PCDHGA6: variants seen among roughly 807,000 people sequenced by gnomAD.
The protein encoded by PCDHGA6 is protocadherin gamma-A6.
A neutral mutation model predicts 60.6 loss-of-function variants in PCDHGA6; 41 were observed. The observed-to-expected ratio is 0.68, with a 90% CI of 0.53 to 0.88. The LOEUF (loss-of-function observed/expected upper bound fraction) is 0.88. Ranked by LOEUF, PCDHGA6 falls within the 40% of genes least tolerant of loss-of-function variation. The pLI, the probability that PCDHGA6 is intolerant of heterozygous loss-of-function variation, is 0.00. For missense variants in PCDHGA6, 1,312 were observed against 1,203.0 expected (o/e 1.09, Z -1.34); for synonymous variants, 594 against 524.4 (o/e 1.13, Z -1.81).
chr5:141,419,729 G>T (rs1436631336), intron 1 of PCDHGA6: 1 of 1,613,758 alleles, frequency 6.2e-7, no homozygotes, highest in Admixed American at 1.7e-5. Context: ...GCTGCGAACA[G>T]GCGAGGTGCG....
chr5:141,414,783 G>C, intron 1 of PCDHGA6: 2 of 1,614,220 alleles, frequency 1.2e-6, no homozygotes, highest in Non-Finnish European at 1.7e-6. Context: ...AGATGCAGGT[G>C]ACAGCCAGCG....
intron 1 of PCDHGA6, chr5:141,478,679 C>T (rs1247027395): frequency 3.2e-6 from 5 of 1,551,382 alleles, no homozygotes; most frequent in East Asian, 2.4e-5. Flanking sequence ...TCAACTGGCC[C>T]TTCCTAGATC....
chr5:141,383,949 G>A (rs538018556), intron 1 of PCDHGA6: 18 of 1,613,702 alleles, frequency 1.1e-5, no homozygotes, highest in Non-Finnish European at 1.3e-5. Flanking sequence ...TGACTATGAC[G>A]TCTTTAAGTA....
At chr5:141,403,001 T>C (rs1189114508) in intron 1 of PCDHGA6, 11 of 1,613,878 alleles carry the variant, frequency 6.8e-6, no homozygotes, top group African/African-American at 1.3e-5. Flanking sequence ...AGTCCTGCTA[T>C]GCTCGCTCCT....
At chr5:141,504,288 GT>G (rs1175142876) in intron 2 of PCDHGA6, among the ~76,000 whole-genome samples, 1 of 152,124 alleles carries the variant, frequency 6.6e-6, no homozygotes, top group Non-Finnish European at 1.5e-5. Flanking sequence ...ATCATTTCAT[GT>G]TTTTTCAACA....
chr5:141,374,416 G>A lies in PCDHGA6; in HGVS notation c.333G>A (p.Glu111=). The A allele has an allele frequency of 1.2e-6, 2 of 1,613,948 alleles. No individual in the cohort carries two copies. Among genetic ancestry groups the A allele is most frequent in the Non-Finnish European group, 1.7e-6 (2 of 1,179,896 alleles). ...RCLVSFNILV[E]DKLNLYPVEV... ...TGGTGAGTTTTAACATCCTTGTCGA[G>A]GATAAACTGAATCTTTATCCCGTGG... The change falls in exon 1 of 4, where the codon GAG becomes GAA. Residue 111 remains glutamate, a synonymous_variant. Coordinates refer to ENST00000517434, the MANE Select transcript of PCDHGA6 (RefSeq NM_018919.3).
chr5:141,408,540 C>A (rs201370009), intron 1 of PCDHGA6: 1 of 1,614,046 alleles, frequency 6.2e-7, no homozygotes. Flanking sequence ...GTGGAAAATC[C>A]TTTAAATATT....
chr5:141,464,824 G>A (rs1329087889), intron 1 of PCDHGA6, among the ~76,000 whole-genome samples: 2 of 151,816 alleles, frequency 1.3e-5, no homozygotes, highest in African/African-American at 2.4e-5. Context: ...CTGTAGCCTC[G>A]CACTCCTGGG....
intron 1 of PCDHGA6, chr5:141,400,092 G>A (rs2093959231): frequency 6.2e-7 from 1 of 1,613,942 alleles, no homozygotes; most frequent in South Asian, 1.1e-5. Context: ...CCACCGCCAC[G>A]CTGCACTTGG....
intron 1 of PCDHGA6, chr5:141,398,637 T>G: frequency 6.2e-7 from 1 of 1,614,026 alleles, no homozygotes; most frequent in Non-Finnish European, 8.5e-7. Context: ...TGCAGAAGTA[T>G]AAACTCTCTC....
At position 141,399,297 on chromosome 5, in the gene PCDHGA6, T is replaced by G. The variant is rs370898446; in HGVS notation, c.2424+22790T>G. On this transcript the variant is annotated intron_variant, in intron 1 of 3. Transcript: ENST00000517434. The stretch of plus-strand genomic sequence containing the variant: ...TACAAGGCGAAGTCCCTTTTAAGAT[T>G]ATCTCTTCATCCAAAAATTCGTATA... 14 of 1,613,948 alleles carry G rather than the reference T, an allele frequency of 8.7e-6. No individual in the cohort carries two copies. The East Asian group carries it at 2.9e-4, about 33-fold the overall frequency.
At chr5:141,422,138 T>G (rs1201680879) in intron 1 of PCDHGA6, 1 of 1,587,640 alleles carries the variant, frequency 6.3e-7, no homozygotes, top group Admixed American at 1.9e-5. Context: ...GAAGTTCAAG[T>G]ACGGGGGTCT....
chr5:141,489,174 C>A lies in PCDHGA6; in HGVS notation c.2425-5633C>A. On this transcript the variant is annotated intron_variant, in intron 1 of 3. Coordinates refer to ENST00000517434, the MANE Select transcript of PCDHGA6 (RefSeq NM_018919.3). The surrounding 1 kb of genome is among the most constrained non-coding windows in gnomAD (Gnocchi z 4.5). ...ATAAGAGACTTCAGCTGCTGCATTC[C>A]AAGCCCTGGGTCTACCTTGGAGACA... The A allele has an allele frequency of 8.2e-7, 1 of 1,224,772 alleles. No individual in the cohort carries two copies. 75.9% of individuals were successfully genotyped at this position (1,224,772 alleles called of 1,614,324 possible).
chr5:141,447,078 G>A (rs531206989), intron 1 of PCDHGA6, among the ~76,000 whole-genome samples: 5 of 152,018 alleles, frequency 3.3e-5, no homozygotes, highest in Non-Finnish European at 7.4e-5. Context: ...TTTAATTTTT[G>A]TTGTTTAATT....
intron 1 of PCDHGA6, chr5:141,399,034 C>T: frequency 6.2e-7 from 1 of 1,613,796 alleles, no homozygotes; most frequent in Non-Finnish European, 8.5e-7. Context: ...TCAAAAGAAA[C>T]TGGATTTTGA....
At chr5:141,403,163 A>G (rs1357883715) in intron 1 of PCDHGA6, 1 of 1,614,052 alleles carries the variant, frequency 6.2e-7, no homozygotes, top group Admixed American at 1.7e-5. Context: ...CTCTAGAGGT[A>G]GGACGCAGCT....
intron 1 of PCDHGA6, among the ~76,000 whole-genome samples, chr5:141,474,085 AAAAC>A (rs937548165): frequency 1.3e-5 from 2 of 152,188 alleles, no homozygotes; most frequent in African/African-American, 4.8e-5. Flanking sequence ...CAAAAACCAA[AAAAC>A]AAACAACAAC....
intron 1 of PCDHGA6, chr5:141,427,619 C>T: frequency 1.4e-6 from 1 of 696,342 alleles, no homozygotes; most frequent in Non-Finnish European, 2.6e-6. Context: ...AAGTCAACGA[C>T]AATGCTCCGG....
chr5:141,486,707 C>A lies in PCDHGA6; in HGVS notation c.2425-8100C>A, dbSNP rs1314530265. On this transcript the variant is annotated intron_variant, in intron 1 of 3. Coordinates refer to ENST00000517434, the MANE Select transcript of PCDHGA6 (RefSeq NM_018919.3). The surrounding 1 kb of genome is among the most constrained non-coding windows in gnomAD (Gnocchi z 5.0). ...AGCTTCCTCTTTCATCTCTCTGAAC[C>A]CCCAGACAGGAGCTGTTCATGCTAC... 2 of 1,614,040 alleles carry A rather than the reference C, an allele frequency of 1.2e-6. No individual in the cohort carries two copies. The highest frequency in any genetic ancestry group is 1.7e-6 in the Non-Finnish European group (2 of 1,180,038).
Sources: allele counts gnomAD v4.1 joint callset (sites outside exome capture counted in the v4.1 genomes callset), GRCh38; gene constraint gnomAD v4.1.1; non-coding constraint Gnocchi (gnomAD v3.1); transcripts MANE v1.5; gene names NCBI Gene and HGNC (gene_info 2026-07-23, HGNC 2026-07-21).